The following TSC22D1 variants were observed in gnomAD, a reference collection of about 807,000 sequenced individuals.
The protein encoded by TSC22D1 is TSC22 domain family member 1, also known as TSC22 domain family protein 1.
In TSC22D1, 9 loss-of-function variants were observed where a neutral mutation model predicts 74.2. The observed-to-expected ratio is 0.12, with a 90% confidence interval of 0.07 to 0.21. The LOEUF (loss-of-function observed/expected upper bound fraction) is 0.21. Among genes scored for constraint, TSC22D1 ranks in the 10% least tolerant of loss-of-function variants. TSC22D1 has a pLI of 1.00. For missense variants in TSC22D1, 1,427 were observed against 1,304.7 expected (o/e 1.09, Z -1.44); for synonymous variants, 586 against 492.5 (o/e 1.19, Z -2.51).
Position 44,444,140 on chromosome 13 carries a change from A to G in TSC22D1, c.2913-8045T>C, listed in dbSNP as rs142772707. Among the ~76,000 whole-genome samples, 595 of 151,892 alleles carry G rather than the reference A, an allele frequency of 3.9e-3. 9 individuals carry two copies. The highest frequency in any genetic ancestry group is 0.033 in the East Asian group (169 of 5,152). Reference sequence around the variant, plus strand: ...CTAAAAATACAAAAATTAGCTGTGCATAGTGGCATACGCCTGTAATCCCAG... The same window carrying G: ...CTAAAAATACAAAAATTAGCTGTGCGTAGTGGCATACGCCTGTAATCCCAG... On this transcript the variant is annotated intron_variant, in intron 1 of 2. Coordinates refer to ENST00000458659, the MANE Select transcript of TSC22D1 (RefSeq NM_183422.4).
chr13:44,561,388 A>G (rs959513627), intron 1 of TSC22D1, among the ~76,000 whole-genome samples: 1 of 152,192 alleles, frequency 6.6e-6, no homozygotes, highest in Non-Finnish European at 1.5e-5. Flanking sequence ...TGATCAGGCC[A>G]CTGCATGGTA....
In TSC22D1 at chr13:44,574,407, A is replaced by G. The variant is rs1159328233; in HGVS notation, c.1668T>C (p.Tyr556=). 3.7e-6 allele frequency: 6 copies of G among 1,614,114 alleles called. No individual in the cohort carries two copies. Among genetic ancestry groups the G allele is most frequent in the Non-Finnish European group, 5.1e-6 (6 of 1,180,054 alleles). Residue 556 remains tyrosine (Y), a synonymous_variant, in exon 1 of 3, where the codon TAT becomes TAC. Transcript: ENST00000458659. ...CTGGCTGAAGACCTTGCTTTTGCTGATAGCTCAGTTCTTGAGACTGTAATT... is the reference window on the plus strand; with the variant it reads ...CTGGCTGAAGACCTTGCTTTTGCTGGTAGCTCAGTTCTTGAGACTGTAATT... The part of the protein sequence containing the change: ...QVQLQSQELS[Y]QQKQGLQPVP...
At chr13:44,451,696 C>T (rs1157925368) in intron 1 of TSC22D1, among the ~76,000 whole-genome samples, 1 of 152,200 alleles carries the variant, frequency 6.6e-6, no homozygotes, top group Non-Finnish European at 1.5e-5. Flanking sequence ...AAGCAAATGG[C>T]TCTGGAGGGG....
At chr13:44,471,238 T>C (rs1877584272) in intron 1 of TSC22D1, among the ~76,000 whole-genome samples, 2 of 152,210 alleles carry the variant, frequency 1.3e-5, no homozygotes, top group Admixed American at 1.3e-4. Flanking sequence ...TGAAAAAATA[T>C]TAATCAAGAT....
intron 1 of TSC22D1, among the ~76,000 whole-genome samples, chr13:44,547,318 G>A (rs374715682): frequency 5.9e-5 from 9 of 152,076 alleles, no homozygotes; most frequent in Admixed American, 5.9e-4. Flanking sequence ...GTAACCAGAT[G>A]TTAATAGTCT....
At chr13:44,460,748 G>T (rs1876954231) in intron 1 of TSC22D1, among the ~76,000 whole-genome samples, 1 of 152,182 alleles carries the variant, frequency 6.6e-6, no homozygotes, top group South Asian at 2.1e-4. Context: ...CCCAGAACAA[G>T]GAAGAGGAGA....
At chr13:44,448,113 AT>A (rs1875834757) in intron 1 of TSC22D1, among the ~76,000 whole-genome samples, 1 of 152,160 alleles carries the variant, frequency 6.6e-6, no homozygotes, top group Non-Finnish European at 1.5e-5. Context: ...GATATTCTAT[AT>A]AAAACATCTG....
At chr13:44,565,179 T>A (rs1883290111) in intron 1 of TSC22D1, among the ~76,000 whole-genome samples, 1 of 152,092 alleles carries the variant, frequency 6.6e-6, no homozygotes, top group Non-Finnish European at 1.5e-5. Context: ...ACAAACTGTC[T>A]TTACAGCCAT....
chr13:44,555,742 A>C (rs115992168), intron 1 of TSC22D1, among the ~76,000 whole-genome samples: 1,784 of 152,158 alleles, frequency 0.012, 43 homozygotes, highest in African/African-American at 0.039. Context: ...TTTATACATT[A>C]AAATACCAAA....
At chr13:44,551,605 GA>G (rs1297735541) in intron 1 of TSC22D1, among the ~76,000 whole-genome samples, 2 of 152,192 alleles carry the variant, frequency 1.3e-5, no homozygotes, top group African/African-American at 4.8e-5. Context: ...GTTCTTAGTA[GA>G]GACGAGGTTT....
At chr13:44,452,847 C>A (rs1446921248) in intron 1 of TSC22D1, 1 of 152,272 alleles carries the variant, frequency 6.6e-6, no homozygotes, top group East Asian at 1.9e-4. Flanking sequence ...TGGCTAAAAC[C>A]GAACAGAGTG....
chr13:44,472,960 C>T (rs1234300710), intron 1 of TSC22D1, among the ~76,000 whole-genome samples: 3 of 152,128 alleles, frequency 2.0e-5, no homozygotes, highest in Admixed American at 6.5e-5. Flanking sequence ...TGCAGTTCCA[C>T]GTGGCCAGGG....
At chr13:44,568,105 C>T (rs1883503693) in intron 1 of TSC22D1, among the ~76,000 whole-genome samples, 1 of 152,132 alleles carries the variant, frequency 6.6e-6, no homozygotes, top group African/African-American at 2.4e-5. Context: ...GAGAACATAA[C>T]TTCCCCACCT....
At position 44,575,197 on chromosome 13, in the gene TSC22D1, A is replaced by G. The variant is rs1337965741; in HGVS notation, c.878T>C (p.Met293Thr). The G allele has an allele frequency of 6.2e-7, 1 of 1,614,092 alleles. No homozygotes were observed. The highest frequency in any genetic ancestry group is 8.5e-7 in the Non-Finnish European group (1 of 1,180,048). The change falls in exon 1 of 3, where the codon ATG becomes ACG. Residue 293 changes from methionine (M) to threonine (T), a missense_variant. By Grantham distance (81) the Met-to-Thr change is moderately conservative (BLOSUM62 -1). Coordinates refer to ENST00000458659, the MANE Select transcript of TSC22D1 (RefSeq NM_183422.4). ...TCCACCTGTAGTACTTGGAGCACGC[A>G]TATTAGTCATTACAGATGCAGGTGA... ...SGSPASVMTNMRAPSTTGGIG... is the reference protein window; with the variant it reads ...SGSPASVMTNTRAPSTTGGIG...
intron 1 of TSC22D1, among the ~76,000 whole-genome samples, chr13:44,519,484 T>G (rs947728248): frequency 1.6e-4 from 24 of 152,184 alleles, no homozygotes; most frequent in African/African-American, 5.8e-4. Flanking sequence ...GCAAACAGAA[T>G]GATCTCACCT....
chr13:44,518,835 T>C (rs1397824037), intron 1 of TSC22D1, among the ~76,000 whole-genome samples: 1 of 152,214 alleles, frequency 6.6e-6, no homozygotes, highest in African/African-American at 2.4e-5. Context: ...AAATTCAGGC[T>C]ATCACTAAAT....
At position 44,434,044 on chromosome 13, in the gene TSC22D1, T is replaced by C; in HGVS notation, c.*582A>G. 6.5e-7 allele frequency: 1 copy of C among 1,533,294 alleles called. No homozygotes were observed. The allele number at this position is 1,533,294 out of a possible 1,614,324, so 95.0% of individuals were successfully genotyped here. The stretch of plus-strand genomic sequence containing the variant: ...GTCCCAGCTACCTGTCACCATTTTG[T>C]CACTCTCATAGTTTTGTGTCATCCA... On this transcript the variant is annotated 3_prime_UTR_variant, in exon 3 of 3. Coordinates refer to ENST00000458659, the MANE Select transcript of TSC22D1 (RefSeq NM_183422.4).
intron 1 of TSC22D1, among the ~76,000 whole-genome samples, chr13:44,487,006 G>A (rs556634364): frequency 6.6e-6 from 1 of 151,578 alleles, no homozygotes; most frequent in Admixed American, 6.6e-5. Flanking sequence ...ATAAACTTAG[G>A]AAATGTAAAA....
intron 1 of TSC22D1, among the ~76,000 whole-genome samples, chr13:44,491,502 C>T (rs1452164436): frequency 6.7e-6 from 1 of 148,190 alleles, no homozygotes; most frequent in African/African-American, 2.5e-5. Context: ...TGCAGTGAGC[C>T]GAGATCGCGC....
Sources: gnomAD v4.1 joint callset for allele counts (sites outside exome capture counted in the v4.1 genomes callset) on GRCh38, gnomAD v4.1.1 for gene constraint, MANE v1.5 for transcripts, NCBI Gene and HGNC (gene_info 2026-07-23, HGNC 2026-07-21) for gene names.